The following ATP2B2 variants were observed in gnomAD, a reference collection of about 807,000 sequenced individuals.
The protein encoded by ATP2B2 is plasma membrane calcium-transporting ATPase 2.
ATP2B2 carries 15 observed loss-of-function variants against 120.0 expected under a neutral mutation model. The observed-to-expected ratio is 0.12, with a 90% CI of 0.08 to 0.19. The LOEUF (loss-of-function observed/expected upper bound fraction) is 0.19. Ranked by LOEUF, ATP2B2 falls within the 10% of genes least tolerant of loss-of-function variation. The pLI is 1.00. For missense variants in ATP2B2, 1,045 were observed against 1,719.8 expected (o/e 0.61, Z 6.94); for synonymous variants, 694 against 700.3 (o/e 0.99, Z 0.14).
At chr3:10,451,220 G>C (rs964866384) in intron 1 of ATP2B2, among the ~76,000 whole-genome samples, 1 of 152,178 alleles carries the variant, frequency 6.6e-6, no homozygotes, top group African/African-American at 2.4e-5. Flanking sequence ...ATAGCCCTGG[G>C]CTCCTCCCCT....
At chr3:10,407,438 CTCCT>C (rs2062453512) in intron 3 of ATP2B2, among the ~76,000 whole-genome samples, 1 of 152,220 alleles carries the variant, frequency 6.6e-6, no homozygotes. Flanking sequence ...CCTGCGCTCC[CTCCT>C]TCCTTCCTTC....
intron 2 of ATP2B2, among the ~76,000 whole-genome samples, chr3:10,616,788 A>G (rs983455260): frequency 3.3e-5 from 5 of 152,194 alleles, no homozygotes; most frequent in African/African-American, 1.2e-4. Context: ...GGAAATTTAG[A>G]AAGTGCAGAA....
intron 2 of ATP2B2, among the ~76,000 whole-genome samples, chr3:10,595,949 C>T (rs1485097320): frequency 6.6e-6 from 1 of 152,190 alleles, no homozygotes; most frequent in African/African-American, 2.4e-5. Flanking sequence ...GCTCCTCGAA[C>T]CCACCACGTT....
At chr3:10,352,593 G>T (rs2060609984) in intron 14 of ATP2B2, among the ~76,000 whole-genome samples, 1 of 152,232 alleles carries the variant, frequency 6.6e-6, no homozygotes, top group Non-Finnish European at 1.5e-5. Context: ...TCCAGGGCCT[G>T]GGGAGAAGCC....
At chr3:10,437,861 G>A (rs42307) in intron 2 of ATP2B2, among the ~76,000 whole-genome samples, 123,101 of 152,196 alleles carry the variant, frequency 0.81, 50,099 homozygotes, top group Non-Finnish European at 0.85. Flanking sequence ...ATTGACACCC[G>A]TATACAAAGA....
At chr3:10,697,502 T>A (rs2071758297) in intron 1 of ATP2B2, among the ~76,000 whole-genome samples, 1 of 151,674 alleles carries the variant, frequency 6.6e-6, no homozygotes, top group Non-Finnish European at 1.5e-5. Flanking sequence ...CCAGAAAGAG[T>A]CCCCTTTAGG....
chr3:10,533,649 G>A (rs1214624410), intron 3 of ATP2B2, among the ~76,000 whole-genome samples: 1 of 152,210 alleles, frequency 6.6e-6, no homozygotes, highest in Non-Finnish European at 1.5e-5. Context: ...GAAGAATGAA[G>A]CAGGACCAGG....
chr3:10,568,858 C>T (rs2068064647), intron 2 of ATP2B2, among the ~76,000 whole-genome samples: 1 of 152,236 alleles, frequency 6.6e-6, no homozygotes, highest in South Asian at 2.1e-4. Context: ...TCCATTTTCC[C>T]TGCCTGGCTT....
intron 1 of ATP2B2, among the ~76,000 whole-genome samples, chr3:10,652,855 A>T (rs182103154): frequency 2.6e-5 from 4 of 152,328 alleles, no homozygotes; most frequent in Admixed American, 2.0e-4. Context: ...GAGGACAAAT[A>T]CTGTGTGGTT....
rs888825902 is a variant in ATP2B2, at chr3:10,635,276, T to C, written c.-459-15315A>G. Among the ~76,000 whole-genome samples the C allele has an allele frequency of 3.3e-5, 5 of 152,138 alleles. No homozygotes were observed. Among genetic ancestry groups the C allele is most frequent in the Middle Eastern group, 3.2e-3 (1 of 316 alleles). On this transcript the variant is annotated intron_variant, in intron 1 of 21. Transcript: ENST00000646379. The surrounding 1 kb of genome is among the most constrained non-coding windows in gnomAD (Gnocchi z 4.3). ...AATTCCAGTTTAAAACCCATAACAT[T>C]CAACATAGTCACGGGATTTGCCTGA...
intron 3 of ATP2B2, among the ~76,000 whole-genome samples, chr3:10,532,609 T>C (rs986444395): frequency 2.6e-5 from 4 of 152,250 alleles, no homozygotes; most frequent in Admixed American, 1.3e-4. Context: ...CTGTTCTGTA[T>C]TATGGGTCAT....
intron 2 of ATP2B2, among the ~76,000 whole-genome samples, chr3:10,443,844 G>A (rs765881266): frequency 6.6e-6 from 1 of 152,120 alleles, no homozygotes; most frequent in African/African-American, 2.4e-5. Context: ...TTCAACTCAC[G>A]GTCTACAAAA....
intron 1 of ATP2B2, among the ~76,000 whole-genome samples, chr3:10,621,550 G>GCAGTGC (rs1575566647): frequency 6.6e-6 from 1 of 152,382 alleles, no homozygotes; most frequent in East Asian, 1.9e-4. Context: ...CCAGGGAGTG[G>GCAGTGC]CAGTGCCAGT....
chr3:10,474,100 T>C (rs1213085495), intron 1 of ATP2B2, among the ~76,000 whole-genome samples: 1 of 150,668 alleles, frequency 6.6e-6, no homozygotes, highest in Admixed American at 6.6e-5. Context: ...GGGGCAGCAG[T>C]GGTGTTGGAG....
At chr3:10,470,983 G>C (rs1166703378) in intron 1 of ATP2B2, among the ~76,000 whole-genome samples, 6 of 152,226 alleles carry the variant, frequency 3.9e-5, no homozygotes, top group Admixed American at 3.9e-4. Flanking sequence ...TGGCTGGAGG[G>C]GTGGAGAACG....
chr3:10,536,744 T>G (rs917569255), intron 2 of ATP2B2, among the ~76,000 whole-genome samples: 1 of 152,166 alleles, frequency 6.6e-6, no homozygotes, highest in African/African-American at 2.4e-5. Flanking sequence ...CCCAGGCTGG[T>G]CCTGAACTCC....
chr3:10,609,785 A>G (rs9841907), intron 2 of ATP2B2, among the ~76,000 whole-genome samples: 32,864 of 152,058 alleles, frequency 0.22, 4,427 homozygotes, highest in East Asian at 0.43. Context: ...TGAGGTGGAC[A>G]TCACTGTCAT....
intron 2 of ATP2B2, among the ~76,000 whole-genome samples, chr3:10,423,316 C>T (rs543605159): frequency 2.4e-4 from 37 of 152,312 alleles, no homozygotes; most frequent in Non-Finnish European, 2.5e-4. Context: ...TCCCATTTGA[C>T]GGTTGGGAAA....
chr3:10,556,403 G>A (rs73032919), intron 2 of ATP2B2, among the ~76,000 whole-genome samples: 18,758 of 152,242 alleles, frequency 0.12, 1,389 homozygotes, highest in East Asian at 0.2. Flanking sequence ...GGAGACAAAT[G>A]CTGAACAAAC....
Sources: gnomAD v4.1 joint callset for allele counts (sites outside exome capture counted in the v4.1 genomes callset) on GRCh38, gnomAD v4.1.1 for gene constraint, Gnocchi (gnomAD v3.1) non-coding constraint, MANE v1.5 for transcripts, NCBI Gene and HGNC (gene_info 2026-07-23, HGNC 2026-07-21) for gene names.